The following DLG2 variants were observed in gnomAD, a reference collection of about 807,000 sequenced individuals.
The protein encoded by DLG2 is disks large homolog 2.
In DLG2, 45 loss-of-function variants were observed where a neutral mutation model predicts 132.5. The observed-to-expected ratio is 0.34, with a 90% CI of 0.27 to 0.44. DLG2 has a LOEUF of 0.44. DLG2 is among the 20% of genes least tolerant of loss of function. DLG2 has a pLI of 1.00. For missense variants in DLG2, 1,045 were observed against 1,196.9 expected, an observed-to-expected ratio of 0.87 and a Z score of 1.87; for synonymous variants, 424 against 419.6, an observed-to-expected ratio of 1.01 and a Z score of -0.13.
chr11:83,510,280 AC>A (rs1384661322), intron 21 of DLG2, among the ~76,000 whole-genome samples: 1 of 141,130 alleles, frequency 7.1e-6, no homozygotes, highest in African/African-American at 2.5e-5. Flanking sequence ...TTGGATGTTG[AC>A]TCAGTTTCAG....
intron 26 of DLG2, 95 bp from the exon 27 acceptor site, chr11:83,462,188 T>C (rs2090156986): frequency 2.4e-6 from 2 of 819,492 alleles, no homozygotes; most frequent in South Asian, 1.5e-5. Context: ...ACAGAAAACA[T>C]AGTGTAATCT....
chr11:85,444,913 A>G (rs1339137361), intron 3 of DLG2, among the ~76,000 whole-genome samples: 1 of 152,236 alleles, frequency 6.6e-6, no homozygotes, highest in Non-Finnish European at 1.5e-5. Context: ...TGCCAGAACC[A>G]TTGCTGAGAA....
chr11:85,026,026 A>T (rs1336404778), intron 6 of DLG2, among the ~76,000 whole-genome samples: 4 of 152,056 alleles, frequency 2.6e-5, no homozygotes, highest in Non-Finnish European at 2.9e-5. Flanking sequence ...TTTTCAAAAA[A>T]ATTTTGAAGT....
intron 8 of DLG2, among the ~76,000 whole-genome samples, chr11:84,180,007 A>G (rs2096073830): frequency 1.3e-5 from 2 of 152,170 alleles, no homozygotes; most frequent in African/African-American, 4.8e-5. Context: ...GTCATTTTAA[A>G]TAAAAAATGA....
intron 17 of DLG2, among the ~76,000 whole-genome samples, chr11:83,791,983 A>G (rs2041690754): frequency 6.6e-6 from 1 of 152,214 alleles, no homozygotes; most frequent in Non-Finnish European, 1.5e-5. Flanking sequence ...TATTTAACTG[A>G]ATAGATCATA....
chr11:83,551,269 A>T (rs1317790219), intron 19 of DLG2, among the ~76,000 whole-genome samples: 1 of 152,160 alleles, frequency 6.6e-6, no homozygotes, highest in Non-Finnish European at 1.5e-5. Context: ...TGTAAATTCT[A>T]TACCCTGGTT....
At chr11:85,552,914 A>T (rs2076745036) in intron 3 of DLG2, among the ~76,000 whole-genome samples, 1 of 151,710 alleles carries the variant, frequency 6.6e-6, no homozygotes, top group Non-Finnish European at 1.5e-5. Flanking sequence ...CAAATTCAGG[A>T]AACAAATCTC....
intron 6 of DLG2, among the ~76,000 whole-genome samples, chr11:84,775,199 A>C (rs1324250678): frequency 6.6e-6 from 1 of 152,110 alleles, no homozygotes; most frequent in Admixed American, 6.5e-5. Context: ...AATCACCACG[A>C]AAATGCACAT....
rs1342917161 is a variant in DLG2 at position 84,240,560 on chromosome 11, A to G, written c.573+10678T>C. Among the ~76,000 whole-genome samples the G allele has an allele frequency of 4.6e-5, 7 of 152,178 alleles. No homozygotes were observed. In the East Asian group the frequency reaches 5.8e-4, roughly 13 times the overall value. ...AACAATCTCCCATGATTGAAATACT[A>G]TGGAATCAAGGAGGAAGGAGACATT... On this transcript the variant is annotated intron_variant, in intron 8 of 27. Transcript: ENST00000376104.
rs189905969 is a variant in DLG2 at position 85,385,863 on chromosome 11, A to C, written c.41-100498T>G. On this transcript the variant is annotated intron_variant, in intron 3 of 27. Transcript: ENST00000376104. ...TAATAAATTGTTAAATCCCTGTTTC[A>C]GAAGAGACACAATAAACAATGCACC... 1.4e-4 allele frequency among the ~76,000 whole-genome samples: 21 copies of C among 152,334 alleles called. 1 individual carries two copies. The highest frequency in any genetic ancestry group is 4.1e-4 in the African/African-American group (17 of 41,580).
intron 4 of DLG2, among the ~76,000 whole-genome samples, chr11:85,186,416 T>G (rs2080104069): frequency 6.6e-6 from 1 of 152,076 alleles, no homozygotes; most frequent in Non-Finnish European, 1.5e-5. Flanking sequence ...GCAGCTTTAG[T>G]GGCTACCATA....
At chr11:84,618,211 A>C (rs141982013) in intron 6 of DLG2, among the ~76,000 whole-genome samples, 1 of 152,066 alleles carries the variant, frequency 6.6e-6, no homozygotes, top group Non-Finnish European at 1.5e-5. Flanking sequence ...GAGAAGTCCA[A>C]AGAGGTTGAA....
At chr11:85,598,155 C>G (rs1027581816) in intron 3 of DLG2, among the ~76,000 whole-genome samples, 6 of 151,944 alleles carry the variant, frequency 3.9e-5, no homozygotes, top group Admixed American at 3.3e-4. Flanking sequence ...CATCAATAAA[C>G]TTTTCAATTC....
At chr11:83,774,363 C>T (rs1292673820) in intron 18 of DLG2, among the ~76,000 whole-genome samples, 1 of 152,190 alleles carries the variant, frequency 6.6e-6, no homozygotes, top group African/African-American at 2.4e-5. Flanking sequence ...GGAGGACATA[C>T]TATCTGTCAG....
intron 6 of DLG2, among the ~76,000 whole-genome samples, chr11:84,663,578 T>C (rs1035267264): frequency 2.0e-5 from 3 of 152,176 alleles, no homozygotes; most frequent in African/African-American, 7.2e-5. Flanking sequence ...TTACTGTATC[T>C]CTTATTCTTT....
At chr11:85,326,426 G>A (rs1439710752) in intron 3 of DLG2, among the ~76,000 whole-genome samples, 6 of 115,076 alleles carry the variant, frequency 5.2e-5, no homozygotes, top group South Asian at 7.5e-4. Context: ...CGGATCTCTC[G>A]GCAGAAACCC....
chr11:83,568,639 C>T (rs1593381311), intron 19 of DLG2, among the ~76,000 whole-genome samples: 1 of 152,172 alleles, frequency 6.6e-6, no homozygotes, highest in South Asian at 2.1e-4. Context: ...TGGGCAGACA[C>T]ATGAAGACAA....
At chr11:84,185,297 A>G (rs1028939434) in intron 8 of DLG2, among the ~76,000 whole-genome samples, 5 of 152,026 alleles carry the variant, frequency 3.3e-5, no homozygotes, top group African/African-American at 1.2e-4. Context: ...GTCCCTTGTA[A>G]GTTGGATTCC....
intron 6 of DLG2, among the ~76,000 whole-genome samples, chr11:84,938,853 C>T (rs2049052737): frequency 2.0e-5 from 3 of 152,042 alleles, no homozygotes; most frequent in South Asian, 4.1e-4. Context: ...GGAAATTTAT[C>T]TAAAATATAG....
Sources: allele counts gnomAD v4.1 joint callset (sites outside exome capture counted in the v4.1 genomes callset), GRCh38; gene constraint gnomAD v4.1.1; transcripts MANE v1.5; gene names NCBI Gene and HGNC (gene_info 2026-07-23, HGNC 2026-07-21).